The following SPTB variants were observed in gnomAD, a reference collection of about 807,000 sequenced individuals.
SPTB encodes the protein spectrin beta, erythrocytic, also known as spectrin beta chain, erythrocytic.
A neutral mutation model predicts 256.2 loss-of-function variants in SPTB; 45 were observed. The observed-to-expected ratio is 0.18, with a 90% CI of 0.14 to 0.23. The LOEUF (loss-of-function observed/expected upper bound fraction) is 0.23, where lower values mean the gene tolerates loss of function less well. SPTB is among the 10% of genes least tolerant of loss of function. The probability of loss-of-function intolerance (pLI) is 1.00; values close to 1 mark genes in which losing one functional copy is unlikely to be tolerated. For missense variants in SPTB, 2,715 were observed against 3,040.4 expected (o/e 0.89, Z 2.52); for synonymous variants, 1,231 against 1,243.1 (o/e 0.99, Z 0.21).
intron 1 of SPTB, among the ~76,000 whole-genome samples, chr14:64,858,505 G>A (rs2083908358): frequency 6.6e-6 from 1 of 152,190 alleles, no homozygotes. Flanking sequence ...AGCGAGCAGA[G>A]CCTGGACAAC....
rs764165460 is a variant in SPTB, at chr14:64,793,341, G to T, written c.2322C>A (p.Asp774Glu). ...RLLSGEDVGQ[D>E]EGATRALGKK... is the part of the protein sequence containing the mutation. ...TCCCCAGGGCCCGCGTGGCCCCTTCGTCCTGCCCCACATCTTCACCAGAGA... is the reference window on the plus strand; with the variant it reads ...TCCCCAGGGCCCGCGTGGCCCCTTCTTCCTGCCCCACATCTTCACCAGAGA... The change falls in exon 14 of 36, where the codon GAC (aspartate) becomes GAA (glutamate). Residue 774 changes from aspartate (D) to glutamate (E), a missense_variant. Physicochemically the swap from Asp to Glu is conservative, Grantham distance 45 (BLOSUM62 2). Transcript: ENST00000644917. The surrounding 1 kb of genome is among the most constrained non-coding windows in gnomAD (Gnocchi z 7.0). 3.1e-6 allele frequency: 5 copies of T among 1,610,756 alleles called. No homozygotes were observed. The highest frequency in any genetic ancestry group is 4.2e-6 in the Non-Finnish European group (5 of 1,180,014).
At chr14:64,784,585 A>T (rs1159581636) in intron 18 of SPTB, among the ~76,000 whole-genome samples, 192 bp from the exon 19 acceptor site, 1 of 152,190 alleles carries the variant, frequency 6.6e-6, no homozygotes, top group African/African-American at 2.4e-5. Context: ...CCAGGGCTAA[A>T]ATGTGGGCAC....
rs749052471 is a variant in SPTB, at chr14:64,823,682, C to T, written c.-51-537G>A. 5.3e-5 allele frequency among the ~76,000 whole-genome samples: 8 copies of T among 152,170 alleles called. No individual in the cohort carries two copies. The highest frequency in any genetic ancestry group is 1.3e-4 in the Admixed American group (2 of 15,282). ...TAAGCCGCCACTGACGCCACCAGCCCGGGGCAGCTGCACTGGGGGGACTTC... is the reference window on the plus strand; with the variant it reads ...TAAGCCGCCACTGACGCCACCAGCCTGGGGCAGCTGCACTGGGGGGACTTC... On this transcript the variant is annotated intron_variant, in intron 1 of 35. Coordinates refer to ENST00000644917, the MANE Select transcript of SPTB (RefSeq NM_001355436.2). This position sits in a 1 kb window ranked among gnomAD's most constrained non-coding sequence, Gnocchi z 6.5.
rs182189331 is a variant in SPTB at position 64,809,553 on chromosome 14, G to C, written c.149-4463C>G. On this transcript the variant is annotated intron_variant, in intron 2 of 35. Transcript: ENST00000644917. ...TTAGAGATGGGGTTTCGCCATATTG[G>C]CCAGGCTGGTCTTGAACTCCTGACC... is the stretch of plus-strand genomic sequence containing the variant. 1.0e-3 allele frequency among the ~76,000 whole-genome samples: 158 copies of C among 152,162 alleles called. 1 individual carries two copies. Among genetic ancestry groups the C allele is most frequent in the South Asian group, 2.1e-3 (10 of 4,814 alleles).
In SPTB at chr14:64,796,780, C is replaced by A; in HGVS notation, c.1183-65G>T. 1 of 1,596,090 alleles carries A rather than the reference C, an allele frequency of 6.3e-7. No individual in the cohort carries two copies. Among genetic ancestry groups the A allele is most frequent in the Non-Finnish European group, 8.6e-7 (1 of 1,167,338 alleles). On this transcript the variant is annotated intron_variant, in intron 10 of 35. Transcript: ENST00000644917. The surrounding 1 kb of genome is among the most constrained non-coding windows in gnomAD (Gnocchi z 4.1). ...GAAATGCCTCACTTTGGGGGCTCCA[C>A]CCCTTTCACCCAACACTGAGTGATT... is the stretch of plus-strand genomic sequence containing the variant.
chr14:64,873,309 C>T lies in SPTB; in HGVS notation c.-52+6483G>A, dbSNP rs1298676369. Among the ~76,000 whole-genome samples, 1 of 152,182 alleles carries T rather than the reference C, an allele frequency of 6.6e-6. No individual in the cohort carries two copies. The highest frequency in any genetic ancestry group is 2.4e-5 in the African/African-American group (1 of 41,424). On this transcript the variant is annotated intron_variant, in intron 1 of 35. Transcript: ENST00000644917. The surrounding 1 kb of genome is among the most constrained non-coding windows in gnomAD (Gnocchi z 4.3). Reference sequence around the variant, plus strand: ...ACATTCACTGTTACATTCCCTGGGCCTACAGCATGTCTGGCAAATTAAATG... The same window carrying T: ...ACATTCACTGTTACATTCCCTGGGCTTACAGCATGTCTGGCAAATTAAATG...
At chr14:64,754,069 G>A (rs1463679430) in intron 32 of SPTB, 20 of 560,864 alleles carry the variant, frequency 3.6e-5, no homozygotes, top group East Asian at 9.4e-5. Context: ...ACATAGCAAC[G>A]GAAGGTTCTC....
chr14:64,874,644 A>G (rs879647648), intron 1 of SPTB, among the ~76,000 whole-genome samples: 4 of 152,250 alleles, frequency 2.6e-5, no homozygotes, highest in Admixed American at 2.6e-4. Context: ...GGACAGAATA[A>G]GGTTACAGAC....
At chr14:64,794,109 C>T (rs2082724822) in intron 13 of SPTB, among the ~76,000 whole-genome samples, 1 of 151,978 alleles carries the variant, frequency 6.6e-6, no homozygotes, top group African/African-American at 2.4e-5. Context: ...TAGAAATGTA[C>T]AACATAAAAT....
intron 2 of SPTB, 84 bp from the exon 3 acceptor site, chr14:64,805,174 C>T (rs2082960108): frequency 6.7e-7 from 1 of 1,487,242 alleles, no homozygotes; most frequent in Non-Finnish European, 9.4e-7. Flanking sequence ...TACCTTAAGC[C>T]CAGGGTACCC....
chr14:64,819,706 G>T (rs889262307), intron 2 of SPTB, among the ~76,000 whole-genome samples: 7 of 152,162 alleles, frequency 4.6e-5, no homozygotes, highest in Non-Finnish European at 7.4e-5. Context: ...TGGGGGTTAA[G>T]AAGGAAGAAA....
rs1042120793 is a variant in SPTB, at chr14:64,844,182, G to A, written c.-51-21037C>T. ...CCATGATCTCCAAGAGTGCTTAGCA[G>A]GAGTCATGGAGAAAAAAAAAATGAG... On this transcript the variant is annotated intron_variant, in intron 1 of 35. Coordinates refer to ENST00000644917, the MANE Select transcript of SPTB (RefSeq NM_001355436.2). This position sits in a 1 kb window ranked among gnomAD's most constrained non-coding sequence, Gnocchi z 4.1. 1.3e-5 allele frequency among the ~76,000 whole-genome samples: 2 copies of A among 152,026 alleles called. No homozygotes were observed. The highest frequency in any genetic ancestry group is 2.9e-5 in the Non-Finnish European group (2 of 68,000).
At chr14:64,765,556 G>A (rs189853134) in intron 32 of SPTB, among the ~76,000 whole-genome samples, 1 of 152,146 alleles carries the variant, frequency 6.6e-6, no homozygotes, top group Non-Finnish European at 1.5e-5. Context: ...CGACAAGTTG[G>A]GGGGCTGACC....
Position 64,795,231 on chromosome 14 carries a change from A to C in SPTB, c.1644+106T>G. 1 of 1,323,044 alleles carries C rather than the reference A, an allele frequency of 7.6e-7. No individual in the cohort carries two copies. Among genetic ancestry groups the C allele is most frequent in the African/African-American group, 1.5e-5 (1 of 68,858 alleles). 82.0% of individuals were successfully genotyped at this position (1,323,044 alleles called of 1,614,324 possible). ...TCAGTTTCTCTATTTTGACTCAGAGATATGACTGGCTGGGAGGTGTCTAAG... is the reference window on the plus strand; with the variant it reads ...TCAGTTTCTCTATTTTGACTCAGAGCTATGACTGGCTGGGAGGTGTCTAAG... On this transcript the variant is annotated intron_variant, in intron 12 of 35. Transcript: ENST00000644917. The surrounding 1 kb of genome is among the most constrained non-coding windows in gnomAD (Gnocchi z 6.5).
rs539974597 is a variant in SPTB, at chr14:64,773,250, C to A, written c.5148G>T (p.Pro1716=). 8.7e-6 allele frequency: 14 copies of A among 1,614,238 alleles called. No homozygotes were observed. Among genetic ancestry groups the A allele is most frequent in the Non-Finnish European group, 1.2e-5 (14 of 1,180,050 alleles). ...CGTGGTCAAAGTCTTGCCCCATTTC[C>A]GGGGAAGAGGCCACTAGCTCCTTTT... is the stretch of plus-strand genomic sequence containing the variant. ...ISEKELVASS[P]EMGQDFDHVT... is the part of the protein sequence containing the mutation. The change falls in exon 25 of 36, where the codon CCG becomes CCT. Residue 1716 remains proline, a synonymous_variant. Coordinates refer to ENST00000644917, the MANE Select transcript of SPTB (RefSeq NM_001355436.2).
rs1245847415 is a variant in SPTB at position 64,816,196 on chromosome 14, G to A, written c.148+6751C>T. The stretch of plus-strand genomic sequence containing the variant: ...CTACTGAAGGCTCAGCTCCTGTCCT[G>A]CAGCCCACAGCTAATGCTCCCTCTC... On this transcript the variant is annotated intron_variant, in intron 2 of 35. Coordinates refer to ENST00000644917, the MANE Select transcript of SPTB (RefSeq NM_001355436.2). This position sits in a 1 kb window ranked among gnomAD's most constrained non-coding sequence, Gnocchi z 4.2. Among the ~76,000 whole-genome samples the A allele has an allele frequency of 6.6e-6, 1 of 152,194 alleles. No individual in the cohort carries two copies. Among genetic ancestry groups the A allele is most frequent in the African/African-American group, 2.4e-5 (1 of 41,442 alleles).
At position 64,847,526 on chromosome 14, in the gene SPTB, A is replaced by G. The variant is rs912992426; in HGVS notation, c.-51-24381T>C. Among the ~76,000 whole-genome samples, 2 of 152,170 alleles carry G rather than the reference A, an allele frequency of 1.3e-5. No homozygotes were observed. The highest frequency in any genetic ancestry group is 1.3e-4 in the Admixed American group (2 of 15,276). The stretch of plus-strand genomic sequence containing the variant: ...GGTTGGTGCTAGCTCCTTTCAAGCT[A>G]CATTGGCTTTGGATCAGAACGTCAA... On this transcript the variant is annotated intron_variant, in intron 1 of 35. Coordinates refer to ENST00000644917, the MANE Select transcript of SPTB (RefSeq NM_001355436.2). The surrounding 1 kb of genome is among the most constrained non-coding windows in gnomAD (Gnocchi z 5.9).
intron 2 of SPTB, among the ~76,000 whole-genome samples, chr14:64,809,159 G>A (rs1317384251): frequency 6.6e-6 from 1 of 151,082 alleles, no homozygotes; most frequent in Non-Finnish European, 1.5e-5. Context: ...CTATTCAGGA[G>A]GCTGAGGCAG....
rs775296073 is a variant in SPTB, at chr14:64,785,541, T to C, written c.3851A>G (p.Gln1284Arg). 29 of 1,612,556 alleles carry C rather than the reference T, an allele frequency of 1.8e-5. No homozygotes were observed. The highest frequency in any genetic ancestry group is 2.3e-5 in the Non-Finnish European group (27 of 1,179,478). ...CACTCCTTGCTGGAGCCTCACCTCC[T>C]GGCAGTTCTGGAGGAAGTTCTGTAG... Reference protein sequence around the residue: ...LELQNFLQNCQELTLWINDKL... With the variant: ...LELQNFLQNCRELTLWINDKL... The change falls in exon 18 of 36, where the codon CAG (glutamine) becomes CGG (arginine). Residue 1284 changes from glutamine (Q) to arginine (R), a missense_variant. Gln to Arg is a conservative substitution (Grantham distance 43). Coordinates refer to ENST00000644917, the MANE Select transcript of SPTB (RefSeq NM_001355436.2). The surrounding 1 kb of genome is among the most constrained non-coding windows in gnomAD (Gnocchi z 4.4).
Sources: gnomAD v4.1 joint callset for allele counts (sites outside exome capture counted in the v4.1 genomes callset) on GRCh38, gnomAD v4.1.1 for gene constraint, Gnocchi (gnomAD v3.1) non-coding constraint, MANE v1.5 for transcripts, NCBI Gene and HGNC (gene_info 2026-07-23, HGNC 2026-07-21) for gene names.